SPHKAP: variants seen among roughly 807,000 people sequenced by gnomAD.
SPHKAP encodes the protein SPHK1 interactor, AKAP domain containing.
Under a neutral mutation model 137.5 loss-of-function variants are expected in SPHKAP, and 67 were observed. The ratio of observed to expected loss-of-function variants is 0.49; its 90% CI spans 0.40 to 0.60. The LOEUF is 0.60. SPHKAP is among the 20% of genes least tolerant of loss of function. The probability of loss-of-function intolerance (pLI) is 0.00; values close to 1 mark genes in which losing one functional copy is unlikely to be tolerated. For missense variants in SPHKAP, 2,097 were observed against 2,069.3 expected (o/e 1.01, Z -0.26); for synonymous variants, 813 against 785.3 (o/e 1.04, Z -0.59).
rs1692981514 is a variant in SPHKAP, at chr2:227,981,195, T to A, written c.*522A>T. ...TTTATCAATGTCTACTGACATTGAT[T>A]TGAAAGTGGAAATCTTTTGTATAAA... On this transcript the variant is annotated 3_prime_UTR_variant, in exon 12 of 12. Transcript: ENST00000392056. 6.6e-6 allele frequency: 1 copy of A among 152,286 alleles called. No homozygotes were observed. Among genetic ancestry groups the A allele is most frequent in the African/African-American group, 2.4e-5 (1 of 41,464 alleles). The allele number at this position is 152,286 out of a possible 1,614,324, so 9.4% of individuals were successfully genotyped here. A position where few individuals can be genotyped will look rare whatever the true frequency, so the allele number is the denominator to read the frequency against.
rs1472615134 is a variant in SPHKAP, at chr2:228,019,860, T to C, written c.994A>G (p.Met332Val). ...YYHSEAFKGQ[M>V]EKSQALYIPK... ...ATATACAGTGCCTGTGATTTTTCCA[T>C]TTGACCTTTAAAAGCTTCTGAATGA... Residue 332 changes from methionine to valine, a missense_variant, in exon 7 of 12, where the codon ATG (methionine) becomes GTG (valine). Transcript: ENST00000392056. 1 of 1,614,248 alleles carries C rather than the reference T, an allele frequency of 6.2e-7. No homozygotes were observed. Among genetic ancestry groups the C allele is most frequent in the Admixed American group, 1.7e-5 (1 of 60,032 alleles).
At chr2:228,121,150 C>A (rs1698889996) in intron 2 of SPHKAP, among the ~76,000 whole-genome samples, 1 of 152,104 alleles carries the variant, frequency 6.6e-6, no homozygotes, top group Non-Finnish European at 1.5e-5. Context: ...GACAAAGGGA[C>A]AATGAATTTA....
intron 3 of SPHKAP, among the ~76,000 whole-genome samples, chr2:228,104,847 A>G (rs957894196): frequency 1.3e-5 from 2 of 152,258 alleles, no homozygotes; most frequent in Non-Finnish European, 2.9e-5. Context: ...TGAATGGTCA[A>G]GGTAATGTTA....
chr2:228,177,043 A>C (rs1057391465), intron 1 of SPHKAP, among the ~76,000 whole-genome samples: 1 of 152,178 alleles, frequency 6.6e-6, no homozygotes, highest in Non-Finnish European at 1.5e-5. Flanking sequence ...CCACTTGTAA[A>C]ACAAAATATA....
intron 7 of SPHKAP, among the ~76,000 whole-genome samples, chr2:228,010,713 T>C (rs1241170643): frequency 2.6e-5 from 4 of 152,252 alleles, no homozygotes; most frequent in Non-Finnish European, 4.4e-5. Flanking sequence ...AATTTCATTA[T>C]ACTTTTCGTC....
intron 3 of SPHKAP, among the ~76,000 whole-genome samples, chr2:228,051,141 T>G (rs1259202920): frequency 6.6e-6 from 1 of 152,110 alleles, no homozygotes; most frequent in African/African-American, 2.4e-5. Flanking sequence ...TCAGAATTGT[T>G]ATATCACAAT....
chr2:228,033,000 G>A (rs1048591491), intron 3 of SPHKAP, among the ~76,000 whole-genome samples: 2 of 152,112 alleles, frequency 1.3e-5, no homozygotes, highest in Admixed American at 6.6e-5. Context: ...CTAACATCAT[G>A]ATGACAGGAC....
At chr2:228,176,398 C>CAT (rs1384432192) in intron 1 of SPHKAP, among the ~76,000 whole-genome samples, 1 of 152,134 alleles carries the variant, frequency 6.6e-6, no homozygotes, top group African/African-American at 2.4e-5. Context: ...CAGGTTGTGG[C>CAT]ATTATAGAAG....
chr2:228,014,661 C>A (rs1446618218), intron 7 of SPHKAP, among the ~76,000 whole-genome samples: 1 of 152,186 alleles, frequency 6.6e-6, no homozygotes, highest in South Asian at 2.1e-4. Context: ...CATAACCACA[C>A]CAGTAATGAT....
intron 2 of SPHKAP, among the ~76,000 whole-genome samples, chr2:228,130,505 G>A (rs4973615): frequency 3.3e-5 from 5 of 151,790 alleles, no homozygotes; most frequent in African/African-American, 1.2e-4. Context: ...GCTCAAGATC[G>A]CACAAGTAAT....
chr2:228,030,429 G>T (rs1017877070), intron 3 of SPHKAP, among the ~76,000 whole-genome samples: 1 of 118,104 alleles, frequency 8.5e-6, no homozygotes, highest in Non-Finnish European at 1.7e-5. Flanking sequence ...CAGGAGAATC[G>T]CTTGAAGCTG....
chr2:228,162,314 T>A (rs945495750), intron 1 of SPHKAP, among the ~76,000 whole-genome samples: 3 of 152,216 alleles, frequency 2.0e-5, no homozygotes, highest in African/African-American at 7.2e-5. Flanking sequence ...AATTAGAGAA[T>A]TTATTAATAG....
At chr2:228,153,654 G>T (rs1448033974) in intron 1 of SPHKAP, among the ~76,000 whole-genome samples, 1 of 151,992 alleles carries the variant, frequency 6.6e-6, no homozygotes, top group Non-Finnish European at 1.5e-5. Flanking sequence ...GTTTATCTTT[G>T]GTGGTCTGAT....
intron 3 of SPHKAP, among the ~76,000 whole-genome samples, chr2:228,095,362 A>G (rs769521693): frequency 5.3e-5 from 8 of 152,234 alleles, no homozygotes; most frequent in Non-Finnish European, 1.0e-4. Context: ...TTTGGGAAAC[A>G]TCACATTAAA....
chr2:228,048,453 C>T (rs752546683), intron 3 of SPHKAP, among the ~76,000 whole-genome samples: 1 of 152,130 alleles, frequency 6.6e-6, no homozygotes, highest in Non-Finnish European at 1.5e-5. Flanking sequence ...AGTCCTTGAC[C>T]TCTAAATTCT....
chr2:228,035,606 G>A (rs1440186633), intron 3 of SPHKAP, among the ~76,000 whole-genome samples: 1 of 152,182 alleles, frequency 6.6e-6, no homozygotes, highest in Non-Finnish European at 1.5e-5. Context: ...AAAGCTGGAG[G>A]CATCACACTG....
intron 3 of SPHKAP, among the ~76,000 whole-genome samples, chr2:228,087,411 A>T (rs575731052): frequency 6.6e-6 from 1 of 152,328 alleles, no homozygotes; most frequent in South Asian, 2.1e-4. Context: ...AGAAATAAGA[A>T]CATGTAACCC....
intron 2 of SPHKAP, chr2:228,109,175 C>G (rs764350805): frequency 5.4e-6 from 1 of 183,850 alleles, no homozygotes; most frequent in Non-Finnish European, 1.0e-5. Context: ...GTTCTCTCAT[C>G]AAATCCAACA....
chr2:228,133,065 C>T lies in SPHKAP; in HGVS notation c.33-980G>A, dbSNP rs575231102. Among the ~76,000 whole-genome samples, 176 of 151,556 alleles carry T rather than the reference C, an allele frequency of 1.2e-3. 1 individual carries two copies. The highest frequency in any genetic ancestry group is 3.8e-3 in the African/African-American group (157 of 41,342). ...CTCACGCCTGTAATACCAGCACTTT[C>T]GGAGGCCGAGGCCGGTGGATTGCCT... On this transcript the variant is annotated intron_variant, in intron 1 of 11. Transcript: ENST00000392056.
Sources: allele counts gnomAD v4.1 joint callset (sites outside exome capture counted in the v4.1 genomes callset), GRCh38; gene constraint gnomAD v4.1.1; transcripts MANE v1.5; gene names NCBI Gene and HGNC (gene_info 2026-07-23, HGNC 2026-07-21).